The following MRPL20 variants were observed in gnomAD, a reference collection of about 807,000 sequenced individuals.
MRPL20 encodes the protein mitochondrial ribosomal protein L20, also known as large ribosomal subunit protein bL20m.
MRPL20 carries 21 observed loss-of-function variants against 20.0 expected under a neutral mutation model. The observed-to-expected ratio is 1.05, with a 90% CI of 0.74 to 1.51. The LOEUF is 1.51. Among genes scored for constraint, MRPL20 ranks in the 40% most tolerant of loss-of-function variants. The pLI is 0.00. For missense variants in MRPL20, 252 were observed against 185.6 expected (o/e 1.36, Z -2.08); for synonymous variants, 104 against 73.0 (o/e 1.43, Z -2.17).
At position 1,406,243 on chromosome 1, in the gene MRPL20, C is replaced by T. The variant is rs1192551621; in HGVS notation, c.199-357G>A. 7.0e-5 allele frequency: 15 copies of T among 213,456 alleles called. No individual in the cohort carries two copies. In the South Asian group the frequency reaches 7.9e-4, roughly 11 times the overall value. 13.2% of individuals were successfully genotyped at this position (213,456 alleles called of 1,614,324 possible). A position where few individuals can be genotyped will look rare whatever the true frequency, so the allele number is the denominator to read the frequency against. ...GCGCACACCTGCAGTCACAGTTACT[C>T]GGGAGACTGGGGCGGGAAAATCGCT... On this transcript the variant is annotated intron_variant, in intron 2 of 3. Transcript: ENST00000344843.
chr1:1,405,741 A>T, intron 3 of MRPL20, 68 bp downstream of exon 3: 1 of 1,613,902 alleles, frequency 6.2e-7, no homozygotes, highest in Non-Finnish European at 8.5e-7. Flanking sequence ...AGGAAGCACC[A>T]CCACGCCCCG....
chr1:1,405,959 T>C (rs1357791868), intron 2 of MRPL20, 73 bp from the exon 3 acceptor site: 71 of 1,542,384 alleles, frequency 4.6e-5, no homozygotes, highest in Non-Finnish European at 5.7e-5. Context: ...CTCTAATTGA[T>C]CTAAAGAATA....
rs1183848188 is a variant in MRPL20 at position 1,407,146 on chromosome 1, C to A, written c.72G>T (p.Val24=). 1 of 1,607,462 alleles carries A rather than the reference C, an allele frequency of 6.2e-7. No homozygotes were observed. The highest frequency in any genetic ancestry group is 1.7e-5 in the Admixed American group (1 of 59,162). The change falls in exon 1 of 4, where the codon GTG becomes GTT. Residue 24 remains valine (V), a synonymous_variant. Coordinates refer to ENST00000344843, the MANE Select transcript of MRPL20 (RefSeq NM_017971.4). ...CGGCACTCACCCTGGCGTGCTTCAG[C>A]ACCTCCTGGATCCGAAAGTAGCGGT... ...VTDRYFRIQE[V]LKHARHFRGR... is the part of the protein sequence containing the mutation.
intron 3 of MRPL20, 166 bp downstream of exon 3, chr1:1,405,643 T>C (rs1159556639): frequency 6.5e-6 from 8 of 1,231,550 alleles, no homozygotes; most frequent in Admixed American, 1.9e-5. Flanking sequence ...ACACTTAACA[T>C]GGACACCCCA....
chr1:1,405,927 G>A, intron 2 of MRPL20, 41 bp from the exon 3 acceptor site: 1 of 1,588,464 alleles, frequency 6.3e-7, no homozygotes, highest in Non-Finnish European at 8.6e-7. Context: ...AATGACTTCT[G>A]GATGTTATGT....
At chr1:1,402,415 C>G in intron 3 of MRPL20, 159 bp from the exon 4 acceptor site, 2 of 1,386,770 alleles carry the variant, frequency 1.4e-6, no homozygotes, top group South Asian at 1.7e-5. Flanking sequence ...AGAGGACTTC[C>G]AGGCAGGATG....
chr1:1,406,124 G>A (rs1030070641), intron 2 of MRPL20: 3 of 481,864 alleles, frequency 6.2e-6, no homozygotes, highest in African/African-American at 5.9e-5. Context: ...GGGAGGGCAA[G>A]GCAGGCAGAT....
chr1:1,404,570 G>A (rs552873945), intron 3 of MRPL20, among the ~76,000 whole-genome samples: 5 of 149,378 alleles, frequency 3.3e-5, no homozygotes, highest in South Asian at 2.1e-4. Context: ...GCGTGAACTC[G>A]GCTCACTGCA....
At chr1:1,404,878 C>G (rs559395481) in intron 3 of MRPL20, among the ~76,000 whole-genome samples, 1 of 152,168 alleles carries the variant, frequency 6.6e-6, no homozygotes, top group African/African-American at 2.4e-5. Context: ...AGCTCCCAGA[C>G]CTGCCAGAAC....
At chr1:1,406,834 A>G in intron 2 of MRPL20, 75 bp downstream of exon 2, 1 of 1,319,310 alleles carries the variant, frequency 7.6e-7, no homozygotes, top group East Asian at 2.3e-5. Context: ...GCGGCTGCAC[A>G]CTAGCTGGGT....
At position 1,407,013 on chromosome 1, in the gene MRPL20, G is replaced by A. The variant is rs146625728; in HGVS notation, c.94C>T (p.Arg32Trp). The change falls in exon 2 of 4, where the codon CGG (arginine) becomes TGG (tryptophan). Residue 32 changes from arginine (R) to tryptophan (W), a missense_variant. Coordinates refer to ENST00000344843, the MANE Select transcript of MRPL20 (RefSeq NM_017971.4). ...CTGTAGCAGCGATTTTTCCTTCCCCGGAAGTGCTGGGACAGAAAACGAGAA... is the reference window on the plus strand; with the variant it reads ...CTGTAGCAGCGATTTTTCCTTCCCCAGAAGTGCTGGGACAGAAAACGAGAA... ...QEVLKHARHF[R>W]GRKNRCYRLA... The A allele has an allele frequency of 1.9e-6, 3 of 1,613,402 alleles. No homozygotes were observed. The highest frequency in any genetic ancestry group is 1.3e-5 in the African/African-American group (1 of 74,890).
At chr1:1,404,477 T>C (rs966137371) in intron 3 of MRPL20, among the ~76,000 whole-genome samples, 1 of 151,752 alleles carries the variant, frequency 6.6e-6, no homozygotes, top group Admixed American at 6.6e-5. Context: ...AAATTAAACT[T>C]TGAAGTTAAA....
At chr1:1,404,073 A>G (rs989932363) in intron 3 of MRPL20, among the ~76,000 whole-genome samples, 7 of 151,592 alleles carry the variant, frequency 4.6e-5, no homozygotes, top group African/African-American at 1.7e-4. Flanking sequence ...TCCTGATGTC[A>G]GGTGATCAGC....
chr1:1,402,544 C>T lies in MRPL20; in HGVS notation c.277-288G>A, dbSNP rs529416050. The T allele has an allele frequency of 6.0e-6, 7 of 1,161,640 alleles. No homozygotes were observed. In the South Asian group the frequency reaches 1.6e-4, roughly 26 times the overall value. 72.0% of individuals were successfully genotyped at this position (1,161,640 alleles called of 1,614,324 possible). ...CACCTTGTTCAGGGTCCTTGGTCAC[C>T]ACCCTGACTGAGCTGACTGCTGGCC... On this transcript the variant is annotated intron_variant, in intron 3 of 3. Transcript: ENST00000344843.
At chr1:1,406,329 G>A (rs1645383650) in intron 2 of MRPL20, 2 of 177,468 alleles carry the variant, frequency 1.1e-5, no homozygotes, top group East Asian at 3.1e-4. Context: ...CAGCCTGGGT[G>A]ACAGCGCGAG....
chr1:1,405,692 G>A, intron 3 of MRPL20, 117 bp downstream of exon 3: 2 of 1,555,982 alleles, frequency 1.3e-6, no homozygotes, highest in Non-Finnish European at 8.9e-7. Context: ...CAGTCTCCAG[G>A]GATCCTCTGG....
At chr1:1,405,326 T>C in intron 3 of MRPL20, 1 of 375,200 alleles carries the variant, frequency 2.7e-6, no homozygotes, top group African/African-American at 2.1e-5. Flanking sequence ...TAGGCTAGAG[T>C]GCAGTGGTAC....
chr1:1,407,019 G>C lies in MRPL20; in HGVS notation c.88C>G (p.His30Asp), dbSNP rs534896516. 7 of 1,613,348 alleles carry C rather than the reference G, an allele frequency of 4.3e-6. No homozygotes were observed. The South Asian group carries it at 7.7e-5, about 18-fold the overall frequency. The change falls in exon 2 of 4, where the codon CAC becomes GAC. Residue 30 changes from histidine (H) to aspartate (D), a missense_variant and splice_region_variant. Physicochemically the swap from His to Asp is moderately conservative, Grantham distance 81. Coordinates refer to ENST00000344843, the MANE Select transcript of MRPL20 (RefSeq NM_017971.4). ...CAGCGATTTTTCCTTCCCCGGAAGT[G>C]CTGGGACAGAAAACGAGAAACCAGG... The part of the protein sequence containing the change: ...RIQEVLKHAR[H>D]FRGRKNRCYR...
chr1:1,404,217 G>A (rs372824503), intron 3 of MRPL20, among the ~76,000 whole-genome samples: 3 of 150,678 alleles, frequency 2.0e-5, no homozygotes, highest in Middle Eastern at 3.4e-3. Context: ...GCAGTGGCGC[G>A]ATCTCAGCTC....
Sources: allele counts gnomAD v4.1 joint callset (sites outside exome capture counted in the v4.1 genomes callset), GRCh38; gene constraint gnomAD v4.1.1; transcripts MANE v1.5; gene names NCBI Gene and HGNC (gene_info 2026-07-23, HGNC 2026-07-21).